The following SLC25A36 variants were observed in gnomAD, a reference collection of about 807,000 sequenced individuals.
The protein encoded by SLC25A36 is epididymis secretory sperm binding protein.
In SLC25A36, 24 loss-of-function variants were observed where a neutral mutation model predicts 35.3. The ratio of observed to expected loss-of-function variants is 0.68; its 90% CI spans 0.49 to 0.96. SLC25A36 has a LOEUF of 0.96. SLC25A36 is among the 40% of genes least tolerant of loss of function. The pLI, the probability that SLC25A36 is intolerant of heterozygous loss-of-function variation, is 0.00. For missense variants in SLC25A36, 294 were observed against 381.1 expected, an observed-to-expected ratio of 0.77 and a Z score of 1.90; for synonymous variants, 141 against 132.2, an observed-to-expected ratio of 1.07 and a Z score of -0.46.
intron 1 of SLC25A36, among the ~76,000 whole-genome samples, chr3:140,943,939 AT>A (rs1196480703): frequency 6.6e-6 from 1 of 151,978 alleles, no homozygotes; most frequent in Non-Finnish European, 1.5e-5. Context: ...AAACACACAG[AT>A]TAGGAGCTCC....
chr3:140,966,956 G>A (rs1351693128), intron 4 of SLC25A36: 5 of 455,998 alleles, frequency 1.1e-5, no homozygotes, highest in East Asian at 6.9e-5. Flanking sequence ...CATTTCTCCC[G>A]AGAAAAGAGT....
intron 2 of SLC25A36, among the ~76,000 whole-genome samples, chr3:140,957,710 C>T (rs531687263): frequency 6.6e-6 from 1 of 152,216 alleles, no homozygotes; most frequent in East Asian, 1.9e-4. Context: ...CACTGTATTC[C>T]AGTCTGGGTG....
chr3:140,976,016 T>C (rs1248359410), intron 6 of SLC25A36, among the ~76,000 whole-genome samples: 2 of 152,214 alleles, frequency 1.3e-5, no homozygotes, highest in East Asian at 3.8e-4. Context: ...GATACTTCTC[T>C]CTTGTTATAT....
intron 1 of SLC25A36, among the ~76,000 whole-genome samples, chr3:140,947,376 T>C (rs182477048): frequency 6.6e-6 from 1 of 152,124 alleles, no homozygotes; most frequent in African/African-American, 2.4e-5. Flanking sequence ...TATAATGGAT[T>C]TTTTTTATTT....
rs756152908 is a variant in SLC25A36, at chr3:140,976,276, A to G, written c.759A>G (p.Arg253=). Residue 253 remains arginine, a synonymous_variant, in exon 7 of 7, where the codon AGA becomes AGG. Coordinates refer to ENST00000324194, the MANE Select transcript of SLC25A36 (RefSeq NM_001104647.3). ...CCTACACAGAAGTTGTAAGAACAAGACTACGTGAAGAGGGAACAAAATACA... is the reference window on the plus strand; with the variant it reads ...CCTACACAGAAGTTGTAAGAACAAGGCTACGTGAAGAGGGAACAAAATACA... ...IAYPHEVVRT[R]LREEGTKYRS... is the part of the protein sequence containing the mutation. 3 of 1,606,302 alleles carry G rather than the reference A, an allele frequency of 1.9e-6. No individual in the cohort carries two copies. The highest frequency in any genetic ancestry group is 1.7e-6 in the Non-Finnish European group (2 of 1,176,248).
intron 4 of SLC25A36, 62 bp from the exon 5 acceptor site, chr3:140,970,865 C>A: frequency 1.3e-6 from 1 of 765,246 alleles, no homozygotes; most frequent in Non-Finnish European, 2.3e-6. Flanking sequence ...ATTTTTAAAA[C>A]CTTAAAGTTA....
intron 1 of SLC25A36, among the ~76,000 whole-genome samples, chr3:140,945,145 C>T (rs1474658640): frequency 2.0e-5 from 3 of 152,176 alleles, no homozygotes; most frequent in Non-Finnish European, 2.9e-5. Context: ...TCTACTTCCT[C>T]ATAGAAGATA....
At chr3:140,966,402 C>T (rs1158901561) in intron 4 of SLC25A36, 3 of 291,082 alleles carry the variant, frequency 1.0e-5, no homozygotes, top group East Asian at 1.3e-4. Context: ...TATGGATGTG[C>T]AATATTACTG....
Position 140,973,964 on chromosome 3 carries a change from C to G in SLC25A36, c.701C>G (p.Ala234Gly). ...SDFVGMMLAAATSKTCATTIA... is the reference protein window; with the variant it reads ...SDFVGMMLAAGTSKTCATTIA... Reference sequence around the variant, plus strand: ...TTTGTGGGAATGATGCTAGCTGCTGCCACCTCAAAAACTTGTGCCACAACT... The same window carrying G: ...TTTGTGGGAATGATGCTAGCTGCTGGCACCTCAAAAACTTGTGCCACAACT... The change falls in exon 6 of 7, where the codon GCC becomes GGC. Residue 234 changes from alanine to glycine, a missense_variant. By Grantham distance (60) the Ala-to-Gly change is moderately conservative. Transcript: ENST00000324194. The G allele has an allele frequency of 6.3e-7, 1 of 1,589,636 alleles. No homozygotes were observed. The highest frequency in any genetic ancestry group is 8.6e-7 in the Non-Finnish European group (1 of 1,164,962).
intron 3 of SLC25A36, 131 bp from the exon 4 acceptor site, chr3:140,962,996 T>C (rs1934668683): frequency 2.0e-6 from 1 of 496,436 alleles, no homozygotes. Context: ...GTAAATCTAA[T>C]GTTACATGAG....
intron 3 of SLC25A36, among the ~76,000 whole-genome samples, chr3:140,961,485 C>T (rs956472609): frequency 6.6e-6 from 1 of 151,940 alleles, no homozygotes; most frequent in Admixed American, 6.6e-5. Context: ...TCTTTGAATA[C>T]TTTAGGAAGT....
chr3:140,977,938 A>G lies in SLC25A36; in HGVS notation c.*1485A>G, dbSNP rs1464376246. 1 of 152,080 alleles carries G rather than the reference A, an allele frequency of 6.6e-6. No individual in the cohort carries two copies. Among genetic ancestry groups the G allele is most frequent in the Non-Finnish European group, 1.5e-5 (1 of 67,982 alleles). 9.4% of individuals were successfully genotyped at this position (152,080 alleles called of 1,614,324 possible). A position where few individuals can be genotyped will look rare whatever the true frequency, so the allele number is the denominator to read the frequency against. ...GAATACCATGTTAAGATTAAAAAAA[A>G]AAACAAAAACATTGGTCACGTATTA... On this transcript the variant is annotated 3_prime_UTR_variant, in exon 7 of 7. Transcript: ENST00000324194.
chr3:140,975,319 G>A (rs769896978), intron 6 of SLC25A36, among the ~76,000 whole-genome samples: 51 of 151,760 alleles, frequency 3.4e-4, no homozygotes, highest in Non-Finnish European at 5.2e-4. Flanking sequence ...GGTTCCCCAG[G>A]CTGGTCTCAA....
intron 4 of SLC25A36, 161 bp from the exon 5 acceptor site, chr3:140,970,766 A>G (rs1289558330): frequency 2.2e-6 from 1 of 454,048 alleles, no homozygotes; most frequent in Non-Finnish European, 4.0e-6. Context: ...TTGGAAGTGA[A>G]GACAAATGTT....
intron 4 of SLC25A36, chr3:140,967,933 T>C: frequency 1.0e-5 from 10 of 968,310 alleles, no homozygotes; most frequent in Non-Finnish European, 1.2e-5. Flanking sequence ...TTAATATAAA[T>C]TGGCAAATTA....
In SLC25A36 at chr3:140,973,921, G is replaced by C; in HGVS notation, c.658G>C (p.Val220Leu). 1.9e-6 allele frequency: 3 copies of C among 1,611,160 alleles called. No homozygotes were observed. Among genetic ancestry groups the C allele is most frequent in the Non-Finnish European group, 2.5e-6 (3 of 1,178,132 alleles). The stretch of plus-strand genomic sequence containing the variant: ...TACAATGGAAAATGATGAAGAGTCT[G>C]TGAAAGAAGCATCAGATTTTGTGGG... ...ASTMENDEES[V>L]KEASDFVGMM... Residue 220 changes from valine to leucine, a missense_variant, in exon 6 of 7, where the codon GTG becomes CTG. Around this residue, in one of 2 missense-constraint regions of SLC25A36, gnomAD observed 109 missense variants for 179.7 expected, o/e 0.61. Transcript: ENST00000324194.
At position 140,973,826 on chromosome 3, in the gene SLC25A36, CAG is replaced by C; in HGVS notation, c.567_568del (p.Glu189AspfsTer9). On this transcript the variant is annotated frameshift_variant, in exon 6 of 7. Transcript: ENST00000324194. LOFTEE classifies it high-confidence loss of function. Reference sequence around the variant, plus strand: ...ATGTCTGCTTCATATGCTGGTATATCAGAGACTGTTATCCATTTTGTTATTTA... The same window carrying C: ...ATGTCTGCTTCATATGCTGGTATATCAGACTGTTATCCATTTTGTTATTTA... 6.2e-7 allele frequency: 1 copy of C among 1,613,286 alleles called. No individual in the cohort carries two copies. The highest frequency in any genetic ancestry group is 1.1e-5 in the South Asian group (1 of 91,024).
chr3:140,949,647 A>G (rs1000065758), intron 1 of SLC25A36, among the ~76,000 whole-genome samples: 6 of 152,192 alleles, frequency 3.9e-5, no homozygotes, highest in African/African-American at 1.4e-4. Context: ...GTATAGTGAC[A>G]TTTAACAGTG....
chr3:140,943,757 A>T (rs1174914312), intron 1 of SLC25A36, among the ~76,000 whole-genome samples: 2 of 152,256 alleles, frequency 1.3e-5, no homozygotes, highest in African/African-American at 4.8e-5. Flanking sequence ...TTCTGCGTTC[A>T]GGATTCATGT....
Sources: allele counts gnomAD v4.1 joint callset (sites outside exome capture counted in the v4.1 genomes callset), GRCh38; gene constraint gnomAD v4.1.1; regional missense constraint gnomAD v4.1.1; transcripts MANE v1.5; gene names NCBI Gene and HGNC (gene_info 2026-07-23, HGNC 2026-07-21).